Variants in FER1L5 observed in about 807,000 individuals in gnomAD.
The protein encoded by FER1L5 is fer-1 like family member 5, also known as fer-1-like protein 5.
A neutral mutation model predicts 279.9 loss-of-function variants in FER1L5; 187 were observed. The ratio of observed to expected loss-of-function variants is 0.67; its 90% CI spans 0.59 to 0.75. FER1L5 has a LOEUF of 0.75. Ranked by LOEUF, FER1L5 falls within the 30% of genes least tolerant of loss-of-function variation. The pLI is 0.00. For missense variants in FER1L5, 2,091 were observed against 2,594.4 expected (o/e 0.81, Z 4.21); for synonymous variants, 921 against 989.7 (o/e 0.93, Z 1.30).
chr2:96,655,769 G>T (rs532086891), intron 9 of FER1L5, among the ~76,000 whole-genome samples: 1 of 152,242 alleles, frequency 6.6e-6, no homozygotes. Context: ...GATTGCAGTG[G>T]TGCAATCCCG....
In FER1L5 at chr2:96,702,610, G is replaced by A. The variant is rs754377168; in HGVS notation, c.5266G>A (p.Gly1756Arg). Residue 1756 changes from glycine (G) to arginine (R), a missense_variant, in exon 48 of 53, where the codon GGG (glycine) becomes AGG (arginine). By Grantham distance (125) the Gly-to-Arg change is moderately radical. Coordinates refer to ENST00000624922, the MANE Select transcript of FER1L5 (RefSeq NM_001293083.2). The surrounding 1 kb of genome is among the most constrained non-coding windows in gnomAD (Gnocchi z 4.0). Reference sequence around the variant, plus strand: ...GGACTCTGGCCCCAGGTGGTTATACGGGCTGGAGAAGGACATGCAGAAGAC... The same window carrying A: ...GGACTCTGGCCCCAGGTGGTTATACAGGCTGGAGAAGGACATGCAGAAGAC... ...SDIYIKGWLY[G>R]LEKDMQKTDI... 2.0e-5 allele frequency: 31 copies of A among 1,575,638 alleles called. No homozygotes were observed. The highest frequency in any genetic ancestry group is 2.6e-5 in the Non-Finnish European group (30 of 1,161,032).
chr2:96,694,416 C>G lies in FER1L5; in HGVS notation c.3693C>G (p.Tyr1231Ter), dbSNP rs368611871. The change falls in exon 34 of 53, where the codon TAC (tyrosine) becomes TAG (stop). Residue 1231 changes from tyrosine to a stop codon, truncating the protein, a stop_gained. Transcript: ENST00000624922. LOFTEE classifies it high-confidence loss of function. The surrounding 1 kb of genome is among the most constrained non-coding windows in gnomAD (Gnocchi z 4.6). ...GCGTTCCCTGGAAGAATGGGGCATA[C>G]ACACTCCCCAAGAGCATCCAGCCCA... ...ILSVPWKNGA[Y>*]TLPKSIQPTI... is the part of the protein sequence containing the mutation. The G allele has an allele frequency of 1.3e-6, 2 of 1,550,782 alleles. No homozygotes were observed. The highest frequency in any genetic ancestry group is 1.4e-5 in the African/African-American group (1 of 73,162).
intron 19 of FER1L5, 51 bp downstream of exon 19, chr2:96,673,305 C>A: frequency 1.3e-6 from 2 of 1,506,472 alleles, no homozygotes; most frequent in Non-Finnish European, 1.8e-6. Flanking sequence ...GCATGCCAGG[C>A]CCTGTGCTAG....
At position 96,669,151 on chromosome 2, in the gene FER1L5, A is replaced by G. The variant is rs1395295384; in HGVS notation, c.1362+14A>G. On this transcript the variant is annotated intron_variant, in intron 17 of 52. Coordinates refer to ENST00000624922, the MANE Select transcript of FER1L5 (RefSeq NM_001293083.2). ...GAAGAAGGCGCTGTAAGCTTCTCAC[A>G]TCAGCTCTAGGGTACAGTGGAGGTA... The G allele has an allele frequency of 7.1e-6, 11 of 1,549,522 alleles. No individual in the cohort carries two copies. The highest frequency in any genetic ancestry group is 9.6e-6 in the Non-Finnish European group (11 of 1,145,828).
chr2:96,669,263 G>A (rs1363142282), intron 17 of FER1L5, 126 bp downstream of exon 17: 7 of 890,928 alleles, frequency 7.9e-6, no homozygotes, highest in Non-Finnish European at 1.2e-5. Flanking sequence ...TGTGGAGGAC[G>A]TGAAGCCTGT....
At position 96,702,917 on chromosome 2, in the gene FER1L5, G is replaced by T; in HGVS notation, c.5398-61G>T. 6.4e-7 allele frequency: 1 copy of T among 1,557,002 alleles called. No individual in the cohort carries two copies. The highest frequency in any genetic ancestry group is 8.7e-7 in the Non-Finnish European group (1 of 1,146,596). ...TCACTGCTGGGTGGAGGGCCACTGAGGGGTGCAAGGGAAACGTCCAGGAGA... is the reference window on the plus strand; with the variant it reads ...TCACTGCTGGGTGGAGGGCCACTGATGGGTGCAAGGGAAACGTCCAGGAGA... On this transcript the variant is annotated intron_variant, in intron 48 of 52. Transcript: ENST00000624922. This position sits in a 1 kb window ranked among gnomAD's most constrained non-coding sequence, Gnocchi z 4.0.
rs1337394937 is a variant in FER1L5, at chr2:96,693,919, G to C, written c.3483G>C (p.Glu1161Asp). The C allele has an allele frequency of 6.5e-7, 1 of 1,549,466 alleles. No homozygotes were observed. The highest frequency in any genetic ancestry group is 2.4e-5 in the East Asian group (1 of 40,928). ...ELWQRDFWGKESLWGRSVWPP... is the reference protein window; with the variant it reads ...ELWQRDFWGKDSLWGRSVWPP... ...GAACTTCCCCCCTCCAGGGCAAGGA[G>C]AGCTTGTGGGGACGGAGCGTGTGGC... Residue 1161 changes from glutamate to aspartate, a missense_variant, in exon 33 of 53, where the codon GAG becomes GAC. Physicochemically the swap from Glu to Asp is conservative, Grantham distance 45 (BLOSUM62 2). Transcript: ENST00000624922.
At chr2:96,668,696 G>T in intron 14 of FER1L5, 55 bp from the exon 15 acceptor site, 1 of 1,547,488 alleles carries the variant, frequency 6.5e-7, no homozygotes, top group Non-Finnish European at 8.7e-7. Flanking sequence ...AAATCTCCAC[G>T]AGGGCCAGAC....
Position 96,698,530 on chromosome 2 carries a change from C to T in FER1L5, c.4357-141C>T. 1.4e-6 allele frequency: 1 copy of T among 720,510 alleles called. No homozygotes were observed. The highest frequency in any genetic ancestry group is 1.8e-5 in the African/African-American group (1 of 56,380). The allele number at this position is 720,510 out of a possible 1,614,324, so 44.6% of individuals were successfully genotyped here. On this transcript the variant is annotated intron_variant, in intron 40 of 52. Transcript: ENST00000624922. The surrounding 1 kb of genome is among the most constrained non-coding windows in gnomAD (Gnocchi z 5.5). ...GCTGAACACCTTCTGTACCTGCCTC[C>T]ACTGTCCTCATGGCCTTCTATCCCT...
chr2:96,671,974 G>T (rs1365484837), intron 18 of FER1L5, among the ~76,000 whole-genome samples: 1 of 152,102 alleles, frequency 6.6e-6, no homozygotes, highest in Non-Finnish European at 1.5e-5. Context: ...TAAGAAACCT[G>T]ATTGAAAAGC....
In FER1L5 at chr2:96,651,808, G is replaced by T; in HGVS notation, c.505-84G>T. On this transcript the variant is annotated intron_variant, in intron 6 of 52. Coordinates refer to ENST00000624922, the MANE Select transcript of FER1L5 (RefSeq NM_001293083.2). ...AGGCATGAGCCACTCATTGCACCTG[G>T]CCTAGAATGTTTTCTTATCAGAACA... is the stretch of plus-strand genomic sequence containing the variant. The T allele has an allele frequency of 5.2e-6, 8 of 1,533,756 alleles. 1 individual carries two copies. Among genetic ancestry groups the T allele is most frequent in the Middle Eastern group, 1.7e-4 (1 of 5,896 alleles).
chr2:96,685,456 A>C (rs1446369096), intron 21 of FER1L5, 27 bp downstream of exon 21: 3 of 1,535,926 alleles, frequency 2.0e-6, no homozygotes. Context: ...TCCGGGATAC[A>C]GCTGGCCTGG....
intron 1 of FER1L5, among the ~76,000 whole-genome samples, 173 bp from the exon 2 acceptor site, chr2:96,646,228 G>C (rs1266380583): frequency 6.6e-6 from 1 of 152,100 alleles, no homozygotes; most frequent in African/African-American, 2.4e-5. Context: ...CTGATCTCCT[G>C]ACCTCGTGAT....
At chr2:96,643,835 G>A (rs1257555514) in intron 1 of FER1L5, among the ~76,000 whole-genome samples, 3 of 151,144 alleles carry the variant, frequency 2.0e-5, no homozygotes, top group Admixed American at 2.0e-4. Flanking sequence ...GGTATATTTA[G>A]ATATCAAAGA....
Position 96,661,335 on chromosome 2 carries a change from C to T in FER1L5, c.789C>T (p.Leu263=), listed in dbSNP as rs1269105822. Residue 263 remains leucine (L), a synonymous_variant, in exon 11 of 53, where the codon CTC becomes CTT. Coordinates refer to ENST00000624922, the MANE Select transcript of FER1L5 (RefSeq NM_001293083.2). ...GFIYHSPGHT[L]LRKWLGLCQP... ...TTTCTGCCTCTCTAGGTCACACACTCCTAAGGAAATGGCTAGGCCTCTGCC... is the reference window on the plus strand; with the variant it reads ...TTTCTGCCTCTCTAGGTCACACACTTCTAAGGAAATGGCTAGGCCTCTGCC... 6.5e-7 allele frequency: 1 copy of T among 1,550,042 alleles called. No homozygotes were observed. Among genetic ancestry groups the T allele is most frequent in the East Asian group, 2.4e-5 (1 of 40,914 alleles).
intron 19 of FER1L5, 22 bp from the exon 20 acceptor site, chr2:96,684,305 T>A (rs2076840520): frequency 2.6e-6 from 4 of 1,549,746 alleles, no homozygotes; most frequent in Non-Finnish European, 3.5e-6. Flanking sequence ...ACCCCATCCC[T>A]CCATGTGTCT....
chr2:96,690,881 A>G (rs1208609374), intron 27 of FER1L5, among the ~76,000 whole-genome samples: 1 of 152,256 alleles, frequency 6.6e-6, no homozygotes, highest in Admixed American at 6.5e-5. Flanking sequence ...GCTCCAGGGC[A>G]GGAATGATGA....
In FER1L5 at chr2:96,691,823, A is replaced by G; in HGVS notation, c.3076-2A>G. 1.3e-6 allele frequency: 2 copies of G among 1,551,662 alleles called. No individual in the cohort carries two copies. Among genetic ancestry groups the G allele is most frequent in the Non-Finnish European group, 1.7e-6 (2 of 1,146,990 alleles). ...CCTCAGGGGAGACTGTCCTGGGTAC[A>G]GGCTATGGATCTGAAATACCACGCT... On this transcript the variant is annotated splice_acceptor_variant, in intron 29 of 52. Transcript: ENST00000624922. LOFTEE classifies it high-confidence loss of function. The surrounding 1 kb of genome is among the most constrained non-coding windows in gnomAD (Gnocchi z 6.0).
chr2:96,697,892 T>G, intron 39 of FER1L5, 131 bp downstream of exon 39: 1 of 1,444,796 alleles, frequency 6.9e-7, no homozygotes, highest in Non-Finnish European at 9.4e-7. Flanking sequence ...CAGCTCCAGC[T>G]GCCACCCTGT....
Sources: allele counts gnomAD v4.1 joint callset (sites outside exome capture counted in the v4.1 genomes callset), GRCh38; gene constraint gnomAD v4.1.1; non-coding constraint Gnocchi (gnomAD v3.1); transcripts MANE v1.5; gene names NCBI Gene and HGNC (gene_info 2026-07-23, HGNC 2026-07-21).